The following COMMD1 variants were observed in gnomAD, a reference collection of about 807,000 sequenced individuals.
The protein encoded by COMMD1 is COMM domain-containing protein 1.
In COMMD1, 10 loss-of-function variants were observed where a neutral mutation model predicts 17.2. That is an observed-to-expected ratio of 0.58 (90% CI 0.36 to 0.99). The LOEUF (loss-of-function observed/expected upper bound fraction) is 0.99, where lower values mean the gene tolerates loss of function less well. COMMD1 is among the 50% of genes least tolerant of loss of function. COMMD1 has a pLI of 0.01. For synonymous variants in COMMD1, 97 were observed against 91.6 expected (o/e 1.06, Z -0.34); for missense variants, 270 against 231.8 (o/e 1.17, Z -1.07).
At chr2:62,010,340 T>A (rs904596119) in intron 2 of COMMD1, among the ~76,000 whole-genome samples, 3 of 152,128 alleles carry the variant, frequency 2.0e-5, no homozygotes, top group Non-Finnish European at 4.4e-5. Flanking sequence ...TTCCTTCTAA[T>A]CCTCACAACA....
intron 2 of COMMD1, among the ~76,000 whole-genome samples, chr2:62,059,144 G>A (rs771093235): frequency 2.0e-5 from 3 of 152,042 alleles, no homozygotes; most frequent in Non-Finnish European, 4.4e-5. Context: ...ATGTTTTTCT[G>A]ATAAGTTATC....
chr2:61,990,901 T>TACACACACACACAC (rs1332695175), intron 1 of COMMD1, among the ~76,000 whole-genome samples: 2 of 42,702 alleles, frequency 4.7e-5, no homozygotes, highest in East Asian at 1.3e-3. Context: ...AATATATATA[T>TACACACACACACAC]ATACACACAC....
chr2:62,074,337 G>C (rs1671281398), intron 2 of COMMD1, among the ~76,000 whole-genome samples: 1 of 152,324 alleles, frequency 6.6e-6, no homozygotes, highest in Non-Finnish European at 1.5e-5. Context: ...CCCCATCCCT[G>C]TAATCACATG....
upstream of COMMD1, chr2:61,888,553 C>T: frequency 6.3e-7 from 1 of 1,591,410 alleles, no homozygotes; most frequent in South Asian, 1.1e-5. Context: ...GACGGATGGA[C>T]CCGGATTCTG....
chr2:62,107,370 G>T (rs1305791670), intron 2 of COMMD1, among the ~76,000 whole-genome samples: 3 of 152,128 alleles, frequency 2.0e-5, no homozygotes, highest in Admixed American at 6.6e-5. Context: ...AGAATCATTT[G>T]TTGCAGAAGA....
chr2:62,036,632 G>A (rs1670046144), intron 2 of COMMD1, among the ~76,000 whole-genome samples: 1 of 152,108 alleles, frequency 6.6e-6, no homozygotes, highest in Admixed American at 6.5e-5. Flanking sequence ...TGTTTTGTTT[G>A]TTGTTGTTGT....
intron 1 of COMMD1, among the ~76,000 whole-genome samples, chr2:61,893,681 G>A (rs766578897): frequency 5.9e-5 from 9 of 152,228 alleles, no homozygotes; most frequent in Admixed American, 5.2e-4. Flanking sequence ...GGGCATGGTG[G>A]CACATGCCTA....
intron 1 of COMMD1, chr2:61,969,008 G>A: frequency 4.5e-6 from 2 of 443,278 alleles, no homozygotes. Flanking sequence ...AGTGCAATGG[G>A]TATTCATAGG....
intron 2 of COMMD1, among the ~76,000 whole-genome samples, chr2:62,112,907 C>T (rs887744642): frequency 1.3e-5 from 2 of 152,046 alleles, no homozygotes; most frequent in African/African-American, 4.8e-5. Flanking sequence ...TATAAAATAA[C>T]AGCATTTACA....
chr2:61,983,229 G>T (rs527342916), intron 1 of COMMD1, among the ~76,000 whole-genome samples: 1 of 142,280 alleles, frequency 7.0e-6, no homozygotes, highest in African/African-American at 2.6e-5. Flanking sequence ...TCCCTCTGTC[G>T]CCCAGGTTGG....
At chr2:62,071,444 A>G (rs1671196858) in intron 2 of COMMD1, among the ~76,000 whole-genome samples, 2 of 151,930 alleles carry the variant, frequency 1.3e-5, no homozygotes, top group Admixed American at 1.3e-4. Flanking sequence ...TTTTTATTTC[A>G]TCTCTATTTC....
chr2:61,894,900 G>T (rs997109705), intron 1 of COMMD1, among the ~76,000 whole-genome samples: 1 of 151,996 alleles, frequency 6.6e-6, no homozygotes, highest in Non-Finnish European at 1.5e-5. Flanking sequence ...GTTTCACCAC[G>T]TTGGCCAGGC....
chr2:61,962,488 C>G (rs1308613612), intron 1 of COMMD1, among the ~76,000 whole-genome samples: 1 of 152,162 alleles, frequency 6.6e-6, no homozygotes, highest in Non-Finnish European at 1.5e-5. Context: ...TCCAGAAAGA[C>G]TGTGATTAAG....
chr2:61,931,793 A>G (rs1448565260), intron 1 of COMMD1, among the ~76,000 whole-genome samples: 1 of 152,204 alleles, frequency 6.6e-6, no homozygotes, highest in Non-Finnish European at 1.5e-5. Context: ...GTATATCAGT[A>G]AGGATATTGG....
intron 2 of COMMD1, among the ~76,000 whole-genome samples, chr2:62,091,009 G>C (rs755942577): frequency 2.3e-4 from 35 of 152,182 alleles, no homozygotes; most frequent in Admixed American, 1.5e-3. Flanking sequence ...CTCCATAAGC[G>C]TGGTGGACCA....
intron 2 of COMMD1, among the ~76,000 whole-genome samples, chr2:62,056,768 T>C (rs1330569044): frequency 6.6e-6 from 1 of 152,188 alleles, no homozygotes; most frequent in Non-Finnish European, 1.5e-5. Flanking sequence ...AAGGAATGGA[T>C]CTACCACCCA....
chr2:62,069,710 T>C (rs925144721), intron 2 of COMMD1: 9 of 152,228 alleles, frequency 5.9e-5, no homozygotes, highest in Non-Finnish European at 1.3e-4. Flanking sequence ...GTTAGTTTTT[T>C]ATTTTGCTTG....
At chr2:61,962,112 G>A (rs375498688) in intron 1 of COMMD1, among the ~76,000 whole-genome samples, 1 of 152,158 alleles carries the variant, frequency 6.6e-6, no homozygotes, top group African/African-American at 2.4e-5. Flanking sequence ...GTGAGTATGG[G>A]CATAGCTGAA....
At chr2:61,957,712 C>T (rs191931966) in intron 1 of COMMD1, among the ~76,000 whole-genome samples, 215 of 152,224 alleles carry the variant, frequency 1.4e-3, no homozygotes, top group African/African-American at 4.9e-3. Flanking sequence ...GTTTCTTTGA[C>T]GTAAAAACAC....
Sources: gnomAD v4.1 joint callset for allele counts (sites outside exome capture counted in the v4.1 genomes callset) on GRCh38, gnomAD v4.1.1 for gene constraint, MANE v1.5 for transcripts, NCBI Gene and HGNC (gene_info 2026-07-23, HGNC 2026-07-21) for gene names.